The following FANCC variants were observed in gnomAD, a reference collection of about 807,000 sequenced individuals.
FANCC encodes the protein FA complementation group C.
Under a neutral mutation model 71.3 loss-of-function variants are expected in FANCC, and 55 were observed. That is an observed-to-expected ratio of 0.77 (90% confidence interval 0.62 to 0.97). The LOEUF (loss-of-function observed/expected upper bound fraction) is 0.97, where lower values mean the gene tolerates loss of function less well. Ranked by LOEUF, FANCC falls within the 50% of genes least tolerant of loss-of-function variation. The pLI, the probability that FANCC is intolerant of heterozygous loss-of-function variation, is 0.00. For synonymous variants in FANCC, 275 were observed against 244.9 expected (o/e 1.12, Z -1.15); for missense variants, 678 against 670.9 (o/e 1.01, Z -0.12).
chr9:95,214,451 TA>T (rs1457145522), intron 4 of FANCC, among the ~76,000 whole-genome samples: 1 of 151,834 alleles, frequency 6.6e-6, no homozygotes, highest in Non-Finnish European at 1.5e-5. Flanking sequence ...TAATAATATA[TA>T]AAAAATTAAA....
chr9:95,268,339 A>C (rs753803432), intron 1 of FANCC, among the ~76,000 whole-genome samples: 2 of 152,202 alleles, frequency 1.3e-5, no homozygotes, highest in Non-Finnish European at 2.9e-5. Flanking sequence ...CCAACTTCGG[A>C]CCAAGGAACT....
In FANCC at chr9:95,147,465, G is replaced by A. The variant is rs1415202354; in HGVS notation, c.686+2458C>T. ...CGGAAGGCAGAGGTTGCGGTGAGCC[G>A]AGATTGCACCACTGTACTCCAGCCT... is the stretch of plus-strand genomic sequence containing the variant. On this transcript the variant is annotated intron_variant, in intron 7 of 14. Coordinates refer to ENST00000289081, the MANE Select transcript of FANCC (RefSeq NM_000136.3). Among the ~76,000 whole-genome samples, 5 of 152,138 alleles carry A rather than the reference G, an allele frequency of 3.3e-5. No individual in the cohort carries two copies. In the South Asian group the frequency reaches 8.3e-4, roughly 25 times the overall value.
chr9:95,210,260 G>A (rs1425977241), intron 4 of FANCC, among the ~76,000 whole-genome samples: 1 of 152,128 alleles, frequency 6.6e-6, no homozygotes, highest in African/African-American at 2.4e-5. Context: ...AGCAGGGACA[G>A]TTATGTGGAT....
At chr9:95,186,517 T>A (rs1427705277) in intron 4 of FANCC, 3 of 152,364 alleles carry the variant, frequency 2.0e-5, no homozygotes, top group African/African-American at 7.2e-5. Context: ...TGAACATTCA[T>A]CTTGTCTTTG....
chr9:95,215,333 A>G (rs947773584), intron 4 of FANCC, among the ~76,000 whole-genome samples: 1 of 152,148 alleles, frequency 6.6e-6, no homozygotes, highest in Non-Finnish European at 1.5e-5. Context: ...GAGAAACAAG[A>G]AAGTGAGGGA....
chr9:95,110,022 A>G (rs950410873), intron 13 of FANCC, among the ~76,000 whole-genome samples: 10 of 152,202 alleles, frequency 6.6e-5, no homozygotes, highest in African/African-American at 2.2e-4. Flanking sequence ...CACTGGATTG[A>G]ACTGCCAGGC....
At chr9:95,158,201 A>T (rs527811600) in intron 6 of FANCC, among the ~76,000 whole-genome samples, 1 of 152,262 alleles carries the variant, frequency 6.6e-6, no homozygotes, top group East Asian at 1.9e-4. Flanking sequence ...ACCTTCACAC[A>T]CACCCCCACA....
intron 4 of FANCC, among the ~76,000 whole-genome samples, chr9:95,180,811 A>C (rs1049635311): frequency 6.6e-6 from 1 of 152,154 alleles, no homozygotes; most frequent in Non-Finnish European, 1.5e-5. Context: ...TTGTTTACCT[A>C]GAATCACCAC....
intron 1 of FANCC, among the ~76,000 whole-genome samples, chr9:95,310,731 C>A (rs1474175541): frequency 6.6e-6 from 1 of 152,020 alleles, no homozygotes; most frequent in Non-Finnish European, 1.5e-5. Context: ...AGAATAGTGA[C>A]TACTAAAAGA....
At chr9:95,198,381 T>C (rs1220023874) in intron 4 of FANCC, among the ~76,000 whole-genome samples, 1 of 152,236 alleles carries the variant, frequency 6.6e-6, no homozygotes, top group Non-Finnish European at 1.5e-5. Flanking sequence ...CACTGTATCA[T>C]CATGTATGTG....
chr9:95,194,942 G>A (rs1827335195), intron 4 of FANCC, among the ~76,000 whole-genome samples: 4 of 152,260 alleles, frequency 2.6e-5, no homozygotes, highest in South Asian at 4.1e-4. Flanking sequence ...GCTCACGCCT[G>A]TAATCCCAGC....
chr9:95,247,026 G>A (rs1227221284), intron 3 of FANCC, among the ~76,000 whole-genome samples: 1 of 152,180 alleles, frequency 6.6e-6, no homozygotes, highest in African/African-American at 2.4e-5. Flanking sequence ...GGGAAAGAGT[G>A]TGTGAGTTAT....
chr9:95,149,392 G>A (rs1189458080), intron 7 of FANCC, among the ~76,000 whole-genome samples: 1 of 151,736 alleles, frequency 6.6e-6, no homozygotes, highest in African/African-American at 2.4e-5. Context: ...TATGACATGT[G>A]TTTACCTATG....
At chr9:95,302,764 C>G (rs959005163) in intron 1 of FANCC, among the ~76,000 whole-genome samples, 26 of 152,186 alleles carry the variant, frequency 1.7e-4, no homozygotes, top group Non-Finnish European at 2.9e-4. Flanking sequence ...CTGCAATTCT[C>G]TGTCCTACAA....
At chr9:95,250,517 G>A (rs1831267547) in intron 1 of FANCC, among the ~76,000 whole-genome samples, 1 of 152,066 alleles carries the variant, frequency 6.6e-6, no homozygotes. Context: ...TGTTCACTTG[G>A]GCAGCACACA....
intron 4 of FANCC, among the ~76,000 whole-genome samples, chr9:95,196,652 G>C (rs182875260): frequency 5.9e-5 from 9 of 152,134 alleles, no homozygotes; most frequent in African/African-American, 2.2e-4. Context: ...AGCAATCCAG[G>C]ATTACCCTAA....
At position 95,144,119 on chromosome 9, in the gene FANCC, G is replaced by A. The variant is rs571663867; in HGVS notation, c.686+5804C>T. Among the ~76,000 whole-genome samples, 11 of 144,270 alleles carry A rather than the reference G, an allele frequency of 7.6e-5. No individual in the cohort carries two copies. The East Asian group carries it at 1.9e-3, about 24-fold the overall frequency. The allele number at this position is 144,270 out of a possible 152,430, so 94.6% of individuals were successfully genotyped here. A position where few individuals can be genotyped will look rare whatever the true frequency, so the allele number is the denominator to read the frequency against. On this transcript the variant is annotated intron_variant, in intron 7 of 14. Transcript: ENST00000289081. ...AAGCATGTGGTTTCCAAATGACCAC[G>A]CAGCACATCTGGGGAGGGGGGGCTG...
intron 1 of FANCC, among the ~76,000 whole-genome samples, chr9:95,286,789 A>C (rs1369380475): frequency 6.6e-6 from 1 of 152,234 alleles, no homozygotes; most frequent in Non-Finnish European, 1.5e-5. Flanking sequence ...GCAAAGGCTC[A>C]GAGTTTAGTG....
chr9:95,129,594 A>G (rs1294296353), intron 8 of FANCC, among the ~76,000 whole-genome samples: 8 of 152,212 alleles, frequency 5.3e-5, no homozygotes. Context: ...AAGCGGGGAA[A>G]TAAAATAAAC....
Sources: allele counts gnomAD v4.1 joint callset (sites outside exome capture counted in the v4.1 genomes callset), GRCh38; gene constraint gnomAD v4.1.1; transcripts MANE v1.5; gene names NCBI Gene and HGNC (gene_info 2026-07-23, HGNC 2026-07-21).